The following FARS2 variants were observed in gnomAD, a reference collection of about 807,000 sequenced individuals.
FARS2 encodes the protein phenylalanyl-tRNA synthetase 2, mitochondrial.
Under a neutral mutation model 46.4 loss-of-function variants are expected in FARS2, and 40 were observed. The observed-to-expected ratio is 0.86, with a 90% CI of 0.67 to 1.12. The LOEUF is 1.12. Ranked by LOEUF, FARS2 falls within the 50% of genes most tolerant of loss-of-function variation. FARS2 has a pLI of 0.00. For synonymous variants in FARS2, 234 were observed against 214.9 expected (o/e 1.09, Z -0.78); for missense variants, 513 against 567.9 (o/e 0.90, Z 0.98).
intron 1 of FARS2, among the ~76,000 whole-genome samples, chr6:5,365,510 A>AATT (rs1439314360): frequency 1.6e-4 from 21 of 127,964 alleles, no homozygotes; most frequent in Non-Finnish European, 2.5e-4. Flanking sequence ...ATTAAATAAA[A>AATT]TTTTTTTTTT....
intron 5 of FARS2, among the ~76,000 whole-genome samples, chr6:5,556,619 T>C (rs1349482161): frequency 6.6e-6 from 1 of 151,984 alleles, no homozygotes; most frequent in Non-Finnish European, 1.5e-5. Flanking sequence ...TCTTTTGGTA[T>C]GTTTTACATA....
chr6:5,494,807 C>T (rs897189784), intron 4 of FARS2, among the ~76,000 whole-genome samples: 6 of 152,122 alleles, frequency 3.9e-5, no homozygotes, highest in African/African-American at 1.4e-4. Context: ...TTCCTCTCTC[C>T]CCCTTTTCCC....
chr6:5,759,301 G>A (rs1762369609), intron 6 of FARS2, among the ~76,000 whole-genome samples: 1 of 152,068 alleles, frequency 6.6e-6, no homozygotes, highest in South Asian at 2.1e-4. Flanking sequence ...ACTTTTAATA[G>A]CCCTTTTGTG....
At chr6:5,276,264 T>C (rs894062150) in intron 1 of FARS2, among the ~76,000 whole-genome samples, 3 of 152,250 alleles carry the variant, frequency 2.0e-5, no homozygotes, top group Admixed American at 1.3e-4. Flanking sequence ...GCTGTATATA[T>C]GTGATAGTAA....
At chr6:5,676,434 G>A (rs1393154199) in intron 6 of FARS2, among the ~76,000 whole-genome samples, 3 of 152,102 alleles carry the variant, frequency 2.0e-5, no homozygotes, top group Admixed American at 6.6e-5. Context: ...TGAGACTAAC[G>A]ATATATTTTA....
At chr6:5,511,962 CTAAA>C (rs1768484239) in intron 4 of FARS2, among the ~76,000 whole-genome samples, 1 of 152,202 alleles carries the variant, frequency 6.6e-6, no homozygotes. Context: ...TCAGATCCAT[CTAAA>C]TAAACAGTTG....
At chr6:5,385,935 C>T (rs1270033302) in intron 2 of FARS2, among the ~76,000 whole-genome samples, 2 of 152,054 alleles carry the variant, frequency 1.3e-5, no homozygotes, top group African/African-American at 4.8e-5. Context: ...TTTGGTTGAA[C>T]CGAGTTGGAT....
chr6:5,664,487 C>A (rs1395337322), intron 6 of FARS2, among the ~76,000 whole-genome samples: 1 of 152,222 alleles, frequency 6.6e-6, no homozygotes, highest in East Asian at 1.9e-4. Flanking sequence ...TATATCCAGA[C>A]CTCATGCTTG....
chr6:5,635,668 G>A (rs1007614783), intron 6 of FARS2, among the ~76,000 whole-genome samples: 6 of 152,160 alleles, frequency 3.9e-5, no homozygotes, highest in Non-Finnish European at 5.9e-5. Context: ...CACGCACCCA[G>A]CCCCTCTGTG....
intron 1 of FARS2, among the ~76,000 whole-genome samples, chr6:5,297,484 C>T (rs561580721): frequency 1.3e-5 from 2 of 152,208 alleles, no homozygotes; most frequent in Admixed American, 1.3e-4. Context: ...CTCATCTCTA[C>T]TAAAAATAAG....
chr6:5,647,715 G>A (rs1225916740), intron 6 of FARS2, among the ~76,000 whole-genome samples: 1 of 152,208 alleles, frequency 6.6e-6, no homozygotes, highest in Non-Finnish European at 1.5e-5. Flanking sequence ...AAAACGTGGT[G>A]ATGGGGAAAG....
At chr6:5,605,182 A>C (rs1488218386) in intron 5 of FARS2, among the ~76,000 whole-genome samples, 1 of 152,230 alleles carries the variant, frequency 6.6e-6, no homozygotes, top group Non-Finnish European at 1.5e-5. Flanking sequence ...ATATCACTAC[A>C]GACCAGAGAC....
At chr6:5,581,737 G>A (rs111243497) in intron 5 of FARS2, among the ~76,000 whole-genome samples, 3 of 151,868 alleles carry the variant, frequency 2.0e-5, no homozygotes, top group African/African-American at 2.4e-5. Flanking sequence ...AAATGGTCAC[G>A]GTAACATACT....
intron 1 of FARS2, among the ~76,000 whole-genome samples, chr6:5,267,378 A>G (rs1765619880): frequency 6.6e-6 from 1 of 152,162 alleles, no homozygotes; most frequent in South Asian, 2.1e-4. Context: ...TTGTTAATCA[A>G]ACTAGCTACA....
At chr6:5,451,381 A>G (rs563060379) in intron 4 of FARS2, among the ~76,000 whole-genome samples, 5 of 152,270 alleles carry the variant, frequency 3.3e-5, no homozygotes, top group South Asian at 2.1e-4. Flanking sequence ...TGAAAATTCA[A>G]TTATTCTTGT....
intron 5 of FARS2, among the ~76,000 whole-genome samples, chr6:5,576,774 A>G (rs1773010019): frequency 6.6e-6 from 1 of 151,936 alleles, no homozygotes; most frequent in Admixed American, 6.6e-5. Context: ...AGGACTTTTG[A>G]AGATAGTAAA....
chr6:5,564,591 G>T (rs1479368606), intron 5 of FARS2, among the ~76,000 whole-genome samples: 1 of 152,130 alleles, frequency 6.6e-6, no homozygotes, highest in African/African-American at 2.4e-5. Context: ...CTCATTTTTG[G>T]TAAAAACTAG....
chr6:5,621,734 C>T (rs368198407), intron 6 of FARS2, among the ~76,000 whole-genome samples: 3 of 152,322 alleles, frequency 2.0e-5, no homozygotes, highest in South Asian at 4.1e-4. Context: ...CTTCCAAAAA[C>T]TGTTGCCAGG....
At chr6:5,621,856 C>A (rs192483244) in intron 6 of FARS2, among the ~76,000 whole-genome samples, 1 of 152,216 alleles carries the variant, frequency 6.6e-6, no homozygotes, top group African/African-American at 2.4e-5. Context: ...GGGCCAGAGA[C>A]CCTCAGCCTC....
Sources: allele counts gnomAD v4.1 joint callset (sites outside exome capture counted in the v4.1 genomes callset), GRCh38; gene constraint gnomAD v4.1.1; transcripts MANE v1.5; gene names NCBI Gene and HGNC (gene_info 2026-07-23, HGNC 2026-07-21).